Variants in SPATA31F1 observed in about 807,000 individuals in gnomAD.
The protein encoded by SPATA31F1 is SPATA31 subfamily F member 1, also known as protein SPATA31F1.
At chr9:34,726,839 T>C in the SPATA31F1 span, 1 of 1,551,682 alleles carries the variant, frequency 6.4e-7, no homozygotes, top group Admixed American at 2.0e-5. Flanking sequence ...AGAGGAGCCC[T>C]GCAATGGCCC....
At chr9:34,727,623 A>G in the SPATA31F1 span, among the ~76,000 whole-genome samples, 1 of 152,282 alleles carries the variant, frequency 6.6e-6, no homozygotes, top group Admixed American at 6.5e-5. Flanking sequence ...AGAGTCAGGT[A>G]TTTTCCCTTG....
At chr9:34,727,092 G>C in the SPATA31F1 span, 35 of 1,461,270 alleles carry the variant, frequency 2.4e-5, no homozygotes, top group African/African-American at 4.1e-4. Context: ...TGAAAACCCT[G>C]GGGCCTATAC....
the SPATA31F1 span, chr9:34,728,185 CA>C: frequency 1.9e-6 from 2 of 1,073,666 alleles, no homozygotes; most frequent in Non-Finnish European, 2.7e-6. Context: ...GAAAAGACTA[CA>C]ATCCTGAAAA....
chr9:34,727,988 G>C, the SPATA31F1 span: 1 of 1,544,434 alleles, frequency 6.5e-7, no homozygotes, highest in Non-Finnish European at 8.8e-7. Context: ...AGGCCAGGCT[G>C]GTTGTTGATA....
At chr9:34,726,868 C>G in the SPATA31F1 span, 1 of 1,551,704 alleles carries the variant, frequency 6.4e-7, no homozygotes, top group African/African-American at 1.4e-5. Flanking sequence ...TCAGGGAGAT[C>G]TGGTTGTTCT....
the SPATA31F1 span, chr9:34,724,451 A>G: frequency 1.1e-5 from 17 of 1,551,434 alleles, no homozygotes; most frequent in Admixed American, 7.8e-5. Context: ...TAGACTTTCA[A>G]GAGACTTCTG....
the SPATA31F1 span, chr9:34,723,353 T>G: frequency 3.9e-6 from 6 of 1,551,428 alleles, no homozygotes; most frequent in Non-Finnish European, 5.2e-6. Context: ...GAGCTTATCG[T>G]CTAGGGATTG....
the SPATA31F1 span, chr9:34,724,914 T>G: frequency 3.2e-6 from 5 of 1,550,836 alleles, no homozygotes; most frequent in Non-Finnish European, 3.5e-6. Flanking sequence ...TGCCGTAAAG[T>G]TGTCTCCAGT....
chr9:34,729,321 T>C, the SPATA31F1 span: 1 of 1,552,120 alleles, frequency 6.4e-7, no homozygotes, highest in Non-Finnish European at 8.7e-7. Context: ...ACTCAATTCA[T>C]GGTGGCTCCT....
At chr9:34,725,056 A>G in the SPATA31F1 span, 2 of 1,551,946 alleles carry the variant, frequency 1.3e-6, no homozygotes, top group Non-Finnish European at 1.7e-6. Context: ...GGTCCGGGTC[A>G]CTTGCTGTCT....
chr9:34,725,710 A>G, the SPATA31F1 span: 2 of 1,544,432 alleles, frequency 1.3e-6, no homozygotes, highest in Admixed American at 3.9e-5. Flanking sequence ...GAAATGGGAC[A>G]TTGATCTGAG....
chr9:34,728,604 T>G, the SPATA31F1 span: 6 of 1,550,320 alleles, frequency 3.9e-6, no homozygotes, highest in Non-Finnish European at 5.2e-6. Flanking sequence ...AGATTGGGAC[T>G]TTACCTGTTG....
At chr9:34,727,843 C>T in the SPATA31F1 span, among the ~76,000 whole-genome samples, 5 of 152,206 alleles carry the variant, frequency 3.3e-5, no homozygotes, top group Admixed American at 6.5e-5. Flanking sequence ...CAGCTCATCT[C>T]TCCTGAGACA....
chr9:34,729,256 A>G, the SPATA31F1 span: 5,831 of 1,545,572 alleles, frequency 3.8e-3, 118 homozygotes, highest in African/African-American at 0.051. Flanking sequence ...CTGAGGCTTA[A>G]TTAGTTCAGT....
the SPATA31F1 span, chr9:34,723,786 C>T: frequency 6.4e-7 from 1 of 1,551,734 alleles, no homozygotes; most frequent in Non-Finnish European, 8.7e-7. Flanking sequence ...GGAATTGTCG[C>T]TGGTTCAAGG....
the SPATA31F1 span, chr9:34,728,773 A>G: frequency 1.1e-6 from 1 of 931,482 alleles, no homozygotes; most frequent in Non-Finnish European, 1.7e-6. Context: ...TCTGTATTTT[A>G]TACACTCTCC....
chr9:34,726,284 C>T, the SPATA31F1 span: 2 of 1,526,760 alleles, frequency 1.3e-6, no homozygotes, highest in African/African-American at 1.4e-5. Context: ...CATAAGCTGC[C>T]TCAGGGACTC....
chr9:34,723,361 T>C, the SPATA31F1 span: 15 of 1,551,490 alleles, frequency 9.7e-6, no homozygotes, highest in Middle Eastern at 6.7e-4. Flanking sequence ...CGTCTAGGGA[T>C]TGGGGACCAT....
At chr9:34,723,640 A>G in the SPATA31F1 span, 4 of 1,551,704 alleles carry the variant, frequency 2.6e-6, no homozygotes, top group Non-Finnish European at 3.5e-6. Context: ...GCTTCTTTTG[A>G]GCATGGACTG....
Sources: allele counts gnomAD v4.1 joint callset (sites outside exome capture counted in the v4.1 genomes callset), GRCh38; gene constraint gnomAD v4.1.1; transcripts MANE v1.5; gene names NCBI Gene and HGNC (gene_info 2026-07-23, HGNC 2026-07-21).